Variants in DYNC2H1 observed in about 807,000 individuals in gnomAD.
The protein encoded by DYNC2H1 is dynein cytoplasmic 2 heavy chain 1, also known as cytoplasmic dynein 2 heavy chain 1.
A neutral mutation model predicts 570.0 loss-of-function variants in DYNC2H1; 410 were observed. The ratio of observed to expected loss-of-function variants is 0.72; its 90% CI spans 0.66 to 0.78. DYNC2H1 has a LOEUF of 0.78. DYNC2H1 is among the 30% of genes least tolerant of loss of function. The probability of loss-of-function intolerance (pLI) is 0.00; values close to 1 mark genes in which losing one functional copy is unlikely to be tolerated. For missense variants in DYNC2H1, 4,865 were observed against 5,046.4 expected (o/e 0.96, Z 1.09); for synonymous variants, 1,688 against 1,677.6 (o/e 1.01, Z -0.15).
At chr11:103,397,061 C>T (rs1942430490) in intron 83 of DYNC2H1, among the ~76,000 whole-genome samples, 1 of 152,080 alleles carries the variant, frequency 6.6e-6, no homozygotes, top group South Asian at 2.1e-4. Context: ...GTGTGGACTT[C>T]ACCACTATGC....
Position 103,177,905 on chromosome 11 carries a change from A to G in DYNC2H1, c.6139+85A>G. ...TGTCTATAATGCTGTCTTTGTCAAGACTTCTACATGACCATAAAGTCATAA... is the reference window on the plus strand; with the variant it reads ...TGTCTATAATGCTGTCTTTGTCAAGGCTTCTACATGACCATAAAGTCATAA... On this transcript the variant is annotated intron_variant, in intron 38 of 88. Transcript: ENST00000375735. The surrounding 1 kb of genome is among the most constrained non-coding windows in gnomAD (Gnocchi z 4.4). 1 of 1,410,764 alleles carries G rather than the reference A, an allele frequency of 7.1e-7. No individual in the cohort carries two copies. The highest frequency in any genetic ancestry group is 9.4e-7 in the Non-Finnish European group (1 of 1,059,100). 87.4% of individuals were successfully genotyped at this position (1,410,764 alleles called of 1,614,324 possible).
chr11:103,117,803 A>G lies in DYNC2H1; in HGVS notation c.939A>G (p.Pro313=). The G allele has an allele frequency of 6.2e-6, 10 of 1,613,106 alleles. No individual in the cohort carries two copies. Among genetic ancestry groups the G allele is most frequent in the Non-Finnish European group, 7.6e-6 (9 of 1,179,268 alleles). The change falls in exon 6 of 89, where the codon CCA becomes CCG. Residue 313 remains proline (P), a synonymous_variant. Transcript: ENST00000375735. ...GQVWQRYVPH[P]WKNEKYFPET... is the part of the protein sequence containing the mutation. ...TGTGGCAGCGCTATGTTCCTCATCC[A>G]TGGAAAAATGAAAAATATTTTCCAG...
At chr11:103,113,462 G>A in intron 1 of DYNC2H1, 75 bp from the exon 2 acceptor site, 1 of 1,215,516 alleles carries the variant, frequency 8.2e-7, no homozygotes, top group Non-Finnish European at 1.1e-6. Flanking sequence ...TAATTATAGT[G>A]ATAGAACTTT....
At position 103,363,138 on chromosome 11, in the gene DYNC2H1, C is replaced by T. The variant is rs1367239973; in HGVS notation, c.12156+4779C>T. 1.3e-5 allele frequency among the ~76,000 whole-genome samples: 2 copies of T among 152,036 alleles called. No individual in the cohort carries two copies. The highest frequency in any genetic ancestry group is 4.8e-5 in the African/African-American group (2 of 41,386). ...TTGATTTTTATCCTGTTATTTTGCA[C>T]GAGATGCCTTAGTAATACTACAGTT... On this transcript the variant is annotated intron_variant, in intron 83 of 88. Coordinates refer to ENST00000375735, the MANE Select transcript of DYNC2H1 (RefSeq NM_001377.3). The surrounding 1 kb of genome is among the most constrained non-coding windows in gnomAD (Gnocchi z 5.6).
intron 9 of DYNC2H1, 32 bp downstream of exon 9, chr11:103,121,068 G>C: frequency 7.4e-7 from 1 of 1,358,676 alleles, no homozygotes; most frequent in Non-Finnish European, 9.9e-7. Context: ...GTGTTTGCTT[G>C]AGAGAATATT....
intron 81 of DYNC2H1, among the ~76,000 whole-genome samples, chr11:103,323,384 T>C (rs1199642467): frequency 7.0e-6 from 1 of 142,028 alleles, no homozygotes; most frequent in Non-Finnish European, 1.6e-5. Context: ...TGCTCTATTA[T>C]AAAGCAATTT....
At chr11:103,438,739 C>T (rs1449229874) in intron 85 of DYNC2H1, among the ~76,000 whole-genome samples, 1 of 152,130 alleles carries the variant, frequency 6.6e-6, no homozygotes, top group Non-Finnish European at 1.5e-5. Context: ...TAAGCAGCTA[C>T]TTTATTCTAG....
chr11:103,240,556 A>G (rs1864388717), intron 63 of DYNC2H1, among the ~76,000 whole-genome samples: 1 of 152,088 alleles, frequency 6.6e-6, no homozygotes, highest in Admixed American at 6.6e-5. Context: ...CATTCTTACT[A>G]TGTCTCTTTA....
chr11:103,310,791 G>A (rs1367700750), intron 78 of DYNC2H1, among the ~76,000 whole-genome samples: 1 of 144,962 alleles, frequency 6.9e-6, no homozygotes, highest in African/African-American at 2.5e-5. Flanking sequence ...CCTGGGTTCA[G>A]GCAATTATCC....
chr11:103,113,479 A>AT (rs1331847579), intron 1 of DYNC2H1, 58 bp from the exon 2 acceptor site: 5 of 1,366,428 alleles, frequency 3.7e-6, no homozygotes, highest in Admixed American at 2.7e-5. Context: ...CTTTGTCTAC[A>AT]TTTTTTTCAA....
At chr11:103,442,724 C>T (rs1042474608) in intron 85 of DYNC2H1, among the ~76,000 whole-genome samples, 1 of 152,080 alleles carries the variant, frequency 6.6e-6, no homozygotes, top group Non-Finnish European at 1.5e-5. Flanking sequence ...GAATTTCTAT[C>T]TGCATTGCAC....
At position 103,132,273 on chromosome 11, in the gene DYNC2H1, T is replaced by A. The variant is rs554591176; in HGVS notation, c.1954-1282T>A. On this transcript the variant is annotated intron_variant, in intron 13 of 88. Coordinates refer to ENST00000375735, the MANE Select transcript of DYNC2H1 (RefSeq NM_001377.3). ...ATCCTCTGACATCTCCACTCTGCTA[T>A]TGAGTCCATCCAGCCAGTTTTACAT... is the stretch of plus-strand genomic sequence containing the variant. Among the ~76,000 whole-genome samples the A allele has an allele frequency of 3.3e-5, 5 of 152,278 alleles. No individual in the cohort carries two copies. In the East Asian group the frequency reaches 9.6e-4, roughly 29 times the overall value.
chr11:103,345,628 C>G (rs1939705133), intron 82 of DYNC2H1, among the ~76,000 whole-genome samples: 1 of 152,096 alleles, frequency 6.6e-6, no homozygotes, highest in Non-Finnish European at 1.5e-5. Flanking sequence ...ATTGGAAAAA[C>G]AGCAATAAGG....
In DYNC2H1 at chr11:103,363,031, AAAATAAAT is replaced by A. The variant is rs372989704; in HGVS notation, c.12156+4687_12156+4694del. 4.0e-5 allele frequency among the ~76,000 whole-genome samples: 6 copies of A among 151,858 alleles called. No homozygotes were observed. Among genetic ancestry groups the A allele is most frequent in the Non-Finnish European group, 7.4e-5 (5 of 67,938 alleles). On this transcript the variant is annotated intron_variant, in intron 83 of 88. Transcript: ENST00000375735. The surrounding 1 kb of genome is among the most constrained non-coding windows in gnomAD (Gnocchi z 5.6). Reference sequence around the variant, plus strand: ...GGGCGACAGAGCAAGACTCTGTCTCAAAATAAATAAATAAATAAATAATATAATATAAT... The same window carrying A: ...GGGCGACAGAGCAAGACTCTGTCTCAAAATAAATAAATAATATAATATAAT...
intron 83 of DYNC2H1, among the ~76,000 whole-genome samples, chr11:103,383,041 C>A (rs1001316564): frequency 2.6e-5 from 4 of 152,066 alleles, no homozygotes; most frequent in African/African-American, 9.7e-5. Context: ...GGAGAAAGAC[C>A]CCTCGGAGCC....
intron 73 of DYNC2H1, among the ~76,000 whole-genome samples, chr11:103,284,712 A>G (rs1377820311): frequency 6.6e-6 from 1 of 152,150 alleles, no homozygotes; most frequent in African/African-American, 2.4e-5. Context: ...TTTGGGCAAT[A>G]TAATGGATTA....
chr11:103,353,002 A>T (rs1312454741), intron 82 of DYNC2H1, among the ~76,000 whole-genome samples: 1 of 152,206 alleles, frequency 6.6e-6, no homozygotes, highest in African/African-American at 2.4e-5. Flanking sequence ...TTGCAGGGAC[A>T]TGAATGAAAC....
chr11:103,358,443 C>T, intron 83 of DYNC2H1, 84 bp downstream of exon 83: 1 of 934,154 alleles, frequency 1.1e-6, no homozygotes, highest in Non-Finnish European at 1.7e-6. Flanking sequence ...CTGAGTCATA[C>T]AAGTAATCAC....
intron 75 of DYNC2H1, among the ~76,000 whole-genome samples, chr11:103,290,230 A>G (rs1866539772): frequency 6.6e-6 from 1 of 152,090 alleles, no homozygotes; most frequent in Non-Finnish European, 1.5e-5. Context: ...AACACCTACC[A>G]ACCAAGCTTT....
Sources: gnomAD v4.1 joint callset for allele counts (sites outside exome capture counted in the v4.1 genomes callset) on GRCh38, gnomAD v4.1.1 for gene constraint, Gnocchi (gnomAD v3.1) non-coding constraint, MANE v1.5 for transcripts, NCBI Gene and HGNC (gene_info 2026-07-23, HGNC 2026-07-21) for gene names.